The following CDKAL1 variants were observed in gnomAD, a reference collection of about 807,000 sequenced individuals.
The protein encoded by CDKAL1 is threonylcarbamoyladenosine tRNA methylthiotransferase.
Under a neutral mutation model 68.2 loss-of-function variants are expected in CDKAL1, and 32 were observed. The ratio of observed to expected loss-of-function variants is 0.47; its 90% CI spans 0.35 to 0.63. The LOEUF is 0.63. Among genes scored for constraint, CDKAL1 ranks in the 30% least tolerant of loss-of-function variants. The probability of loss-of-function intolerance (pLI) is 0.00; values close to 1 mark genes in which losing one functional copy is unlikely to be tolerated. For synonymous variants in CDKAL1, 234 were observed against 244.3 expected (o/e 0.96, Z 0.39); for missense variants, 606 against 696.7 (o/e 0.87, Z 1.47).
At chr6:20,768,930 T>C (rs1055771614) in intron 7 of CDKAL1, among the ~76,000 whole-genome samples, 1 of 152,092 alleles carries the variant, frequency 6.6e-6, no homozygotes, top group African/African-American at 2.4e-5. Flanking sequence ...TCCAGACTAT[T>C]GGGAAACTGG....
intron 5 of CDKAL1, among the ~76,000 whole-genome samples, chr6:20,719,016 G>A (rs916538749): frequency 2.0e-5 from 3 of 152,158 alleles, no homozygotes; most frequent in African/African-American, 7.2e-5. Context: ...AGAAAATGAA[G>A]ACTCAGAGAA....
intron 13 of CDKAL1, among the ~76,000 whole-genome samples, chr6:21,111,303 A>T (rs903419896): frequency 1.3e-5 from 2 of 152,216 alleles, no homozygotes; most frequent in African/African-American, 4.8e-5. Context: ...GTAAACTCAG[A>T]AATGCAACTC....
At chr6:20,871,687 A>T (rs1194464505) in intron 9 of CDKAL1, among the ~76,000 whole-genome samples, 1 of 152,146 alleles carries the variant, frequency 6.6e-6, no homozygotes, top group Non-Finnish European at 1.5e-5. Context: ...TAGTTGATAG[A>T]TCCTTCAAGG....
chr6:20,705,812 T>C (rs1771567306), intron 5 of CDKAL1, among the ~76,000 whole-genome samples: 2 of 152,158 alleles, frequency 1.3e-5, no homozygotes, highest in Admixed American at 1.3e-4. Context: ...TTCCTTGGTG[T>C]ATATATATCA....
chr6:20,786,738 C>G (rs1448037855), intron 8 of CDKAL1, among the ~76,000 whole-genome samples: 1 of 152,090 alleles, frequency 6.6e-6, no homozygotes, highest in Non-Finnish European at 1.5e-5. Context: ...ACCTCATGAT[C>G]TGCCTGCCTC....
intron 8 of CDKAL1, among the ~76,000 whole-genome samples, chr6:20,792,146 G>T (rs1344617986): frequency 6.6e-6 from 1 of 152,144 alleles, no homozygotes; most frequent in Admixed American, 6.6e-5. Context: ...CTGCATCTCA[G>T]CATGGTAGCA....
chr6:20,570,672 A>G (rs1394991395), intron 4 of CDKAL1, among the ~76,000 whole-genome samples: 2 of 152,208 alleles, frequency 1.3e-5, no homozygotes, highest in Non-Finnish European at 2.9e-5. Context: ...AAGTGCTGGG[A>G]TTACAGGTGT....
intron 13 of CDKAL1, among the ~76,000 whole-genome samples, chr6:21,122,121 T>C (rs1351662773): frequency 1.3e-5 from 2 of 152,254 alleles, no homozygotes; most frequent in Non-Finnish European, 2.9e-5. Flanking sequence ...ATATTGTTGA[T>C]ATTTTATCCA....
chr6:20,627,897 G>A (rs1175894990), intron 4 of CDKAL1, among the ~76,000 whole-genome samples: 1 of 152,050 alleles, frequency 6.6e-6, no homozygotes, highest in Non-Finnish European at 1.5e-5. Context: ...TTCATTTGCT[G>A]TTAGTATACA....
intron 12 of CDKAL1, among the ~76,000 whole-genome samples, chr6:21,080,944 C>CAT (rs1772362590): frequency 6.6e-6 from 1 of 152,128 alleles, no homozygotes; most frequent in African/African-American, 2.4e-5. Flanking sequence ...TACTTGGGAA[C>CAT]ATATAATTGG....
At chr6:20,546,898 G>A (rs534749988) in intron 3 of CDKAL1, among the ~76,000 whole-genome samples, 1 of 152,088 alleles carries the variant, frequency 6.6e-6, no homozygotes, top group Non-Finnish European at 1.5e-5. Flanking sequence ...GACGCTACTG[G>A]TCTGTGTGAT....
In CDKAL1 at chr6:20,553,753, G is replaced by A. The variant is rs146513002; in HGVS notation, c.286+5048G>A. On this transcript the variant is annotated intron_variant, in intron 4 of 15. Coordinates refer to ENST00000274695, the MANE Select transcript of CDKAL1 (RefSeq NM_017774.3). The stretch of plus-strand genomic sequence containing the variant: ...GGCCTCCGGAGTAGCTGGGATTACC[G>A]GTGTGCGATACCATGCCTGACTGAT... Among the ~76,000 whole-genome samples the A allele has an allele frequency of 3.2e-3, 484 of 152,234 alleles. 2 individuals are homozygous for A. Among genetic ancestry groups the A allele is most frequent in the African/African-American group, 0.011 (453 of 41,552 alleles).
chr6:20,687,184 C>T (rs1255112048), intron 5 of CDKAL1, among the ~76,000 whole-genome samples: 24 of 152,094 alleles, frequency 1.6e-4, no homozygotes, highest in Admixed American at 1.6e-3. Flanking sequence ...TAGGATAATG[C>T]TGACCTCAGA....
chr6:20,611,333 A>G (rs1387556254), intron 4 of CDKAL1, among the ~76,000 whole-genome samples: 1 of 152,050 alleles, frequency 6.6e-6, no homozygotes, highest in Non-Finnish European at 1.5e-5. Flanking sequence ...ATCCTGTTAT[A>G]TGTGTCAGCT....
At chr6:21,087,114 A>G (rs1582169300) in intron 12 of CDKAL1, among the ~76,000 whole-genome samples, 1 of 152,320 alleles carries the variant, frequency 6.6e-6, no homozygotes. Flanking sequence ...ACAACAATGC[A>G]TAAACTGCCT....
chr6:21,192,544 T>C (rs897504313), intron 13 of CDKAL1, among the ~76,000 whole-genome samples: 1 of 152,126 alleles, frequency 6.6e-6, no homozygotes, highest in African/African-American at 2.4e-5. Context: ...TGTCCCTTAC[T>C]TCAGAGAGCT....
At chr6:20,597,335 A>G (rs928832037) in intron 4 of CDKAL1, among the ~76,000 whole-genome samples, 1 of 151,882 alleles carries the variant, frequency 6.6e-6, no homozygotes, top group African/African-American at 2.4e-5. Context: ...TCACCGTGTT[A>G]GCCATATTGG....
intron 10 of CDKAL1, among the ~76,000 whole-genome samples, chr6:20,971,040 G>T (rs1398659188): frequency 1.3e-5 from 2 of 152,064 alleles, no homozygotes; most frequent in African/African-American, 4.8e-5. Context: ...GTAGAGACGG[G>T]GTTTCACTTT....
At chr6:20,550,005 G>A (rs1179812316) in intron 4 of CDKAL1, among the ~76,000 whole-genome samples, 2 of 150,832 alleles carry the variant, frequency 1.3e-5, no homozygotes, top group East Asian at 3.9e-4. Context: ...TTTAGACAGA[G>A]TCTCGCTTTG....
Sources: allele counts gnomAD v4.1 joint callset (sites outside exome capture counted in the v4.1 genomes callset), GRCh38; gene constraint gnomAD v4.1.1; transcripts MANE v1.5; gene names NCBI Gene and HGNC (gene_info 2026-07-23, HGNC 2026-07-21).